Variants in ERGIC1 observed in about 807,000 individuals in gnomAD.
ERGIC1 encodes the protein endoplasmic reticulum-golgi intermediate compartment 1.
ERGIC1 carries 19 observed loss-of-function variants against 38.3 expected under a neutral mutation model. The observed-to-expected ratio is 0.50, with a 90% CI of 0.35 to 0.73. The LOEUF is 0.73. ERGIC1 is among the 30% of genes least tolerant of loss of function. The pLI is 0.01. For missense variants in ERGIC1, 294 were observed against 389.2 expected (o/e 0.76, Z 2.06); for synonymous variants, 124 against 157.6 (o/e 0.79, Z 1.60).
intron 1 of ERGIC1, among the ~76,000 whole-genome samples, chr5:172,856,250 G>A (rs1402265255): frequency 6.6e-6 from 1 of 152,288 alleles, no homozygotes; most frequent in South Asian, 2.1e-4. Context: ...AGCCTGGAAC[G>A]CCAGGCCCAG....
At chr5:172,850,187 C>T (rs1761368427) in intron 1 of ERGIC1, among the ~76,000 whole-genome samples, 1 of 152,202 alleles carries the variant, frequency 6.6e-6, no homozygotes, top group Non-Finnish European at 1.5e-5. Context: ...AATTTGGCTT[C>T]CGTTGGCCAA....
At chr5:172,894,593 C>T (rs1292506853) in intron 2 of ERGIC1, among the ~76,000 whole-genome samples, 3 of 152,118 alleles carry the variant, frequency 2.0e-5, no homozygotes, top group Non-Finnish European at 4.4e-5. Flanking sequence ...GACATCCTGC[C>T]CTTCACTCGG....
intron 9 of ERGIC1, among the ~76,000 whole-genome samples, chr5:172,947,681 T>C (rs1335135039): frequency 6.6e-6 from 1 of 152,202 alleles, no homozygotes; most frequent in African/African-American, 2.4e-5. Context: ...ACTGAGCCAG[T>C]TGCATAGCAG....
At chr5:172,890,728 C>T (rs1169754836) in intron 2 of ERGIC1, among the ~76,000 whole-genome samples, 1 of 152,212 alleles carries the variant, frequency 6.6e-6, no homozygotes, top group East Asian at 1.9e-4. Context: ...CCTCCTTGCA[C>T]CCCACAAGCC....
At chr5:172,918,564 T>TA (rs1581574361) in intron 5 of ERGIC1, among the ~76,000 whole-genome samples, 1 of 152,174 alleles carries the variant, frequency 6.6e-6, no homozygotes. Context: ...TATGTATAGA[T>TA]ATCAAAGAGC....
intron 1 of ERGIC1, among the ~76,000 whole-genome samples, chr5:172,849,466 A>C (rs901581591): frequency 6.6e-6 from 1 of 152,176 alleles, no homozygotes; most frequent in Non-Finnish European, 1.5e-5. Flanking sequence ...GGTACCACAA[A>C]TCTTTGTTAA....
intron 1 of ERGIC1, chr5:172,866,884 T>C: frequency 3.2e-6 from 1 of 309,504 alleles, no homozygotes; most frequent in South Asian, 2.4e-5. Context: ...AGACTGCCTT[T>C]GTTTGGCTCC....
At chr5:172,921,260 A>G (rs1264172113) in intron 5 of ERGIC1, among the ~76,000 whole-genome samples, 1 of 151,664 alleles carries the variant, frequency 6.6e-6, no homozygotes, top group Non-Finnish European at 1.5e-5. Context: ...TAGAACTCAG[A>G]GCAACCGCTC....
chr5:172,889,023 G>T (rs1581544062), intron 2 of ERGIC1, among the ~76,000 whole-genome samples: 1 of 152,180 alleles, frequency 6.6e-6, no homozygotes, highest in African/African-American at 2.4e-5. Flanking sequence ...GGTGGCTCAC[G>T]CCTGTAATCC....
At chr5:172,943,229 C>G (rs512952) in intron 9 of ERGIC1, among the ~76,000 whole-genome samples, 4 of 152,066 alleles carry the variant, frequency 2.6e-5, no homozygotes, top group East Asian at 3.9e-4. Flanking sequence ...GAGGTTCTTG[C>G]GAGGTGGGGT....
At chr5:172,898,779 T>C (rs1257356647) in intron 3 of ERGIC1, among the ~76,000 whole-genome samples, 1 of 152,134 alleles carries the variant, frequency 6.6e-6, no homozygotes, top group Non-Finnish European at 1.5e-5. Context: ...CATGACCCTG[T>C]GGCCATGCAG....
chr5:172,863,762 A>G (rs1761779289), intron 1 of ERGIC1, among the ~76,000 whole-genome samples: 1 of 152,168 alleles, frequency 6.6e-6, no homozygotes, highest in African/African-American at 2.4e-5. Context: ...TAATTCCGAG[A>G]GCAGGGCTTT....
chr5:172,867,797 C>T (rs1419849586), intron 1 of ERGIC1: 1 of 159,952 alleles, frequency 6.3e-6, no homozygotes, highest in African/African-American at 2.4e-5. Context: ...CACAGAGGAC[C>T]TCTCCTTCAC....
chr5:172,942,390 C>T (rs918572213), intron 9 of ERGIC1, among the ~76,000 whole-genome samples: 8 of 152,074 alleles, frequency 5.3e-5, no homozygotes, highest in African/African-American at 1.9e-4. Context: ...TCAGGGTTCC[C>T]TCGGTGTCTC....
At chr5:172,942,275 G>T (rs538104963) in intron 9 of ERGIC1, among the ~76,000 whole-genome samples, 140 of 152,304 alleles carry the variant, frequency 9.2e-4, no homozygotes, top group South Asian at 6.8e-3. Context: ...CCACTAAGAT[G>T]ATGTGAGTTG....
At chr5:172,918,301 C>T (rs1561735571) in intron 5 of ERGIC1, 1 of 152,354 alleles carries the variant, frequency 6.6e-6, no homozygotes, top group East Asian at 1.9e-4. Context: ...TAATCCTATG[C>T]ATTTTACGCA....
At chr5:172,912,672 C>T (rs1414760989) in intron 4 of ERGIC1, among the ~76,000 whole-genome samples, 4 of 152,258 alleles carry the variant, frequency 2.6e-5, no homozygotes, top group African/African-American at 7.2e-5. Flanking sequence ...CAGGCGTGAG[C>T]CACCGCGCCC....
intron 1 of ERGIC1, among the ~76,000 whole-genome samples, chr5:172,848,018 T>G (rs1761319849): frequency 6.6e-6 from 1 of 152,172 alleles, no homozygotes; most frequent in South Asian, 2.1e-4. Context: ...AAAAAAGAGA[T>G]ATTAGCAAGT....
intron 9 of ERGIC1, among the ~76,000 whole-genome samples, chr5:172,949,499 T>C (rs78824099): frequency 0.012 from 1,878 of 152,242 alleles, 31 homozygotes; most frequent in African/African-American, 0.043. Flanking sequence ...TATTTTGTTG[T>C]GGTTAGTATA....
Sources: allele counts gnomAD v4.1 joint callset (sites outside exome capture counted in the v4.1 genomes callset), GRCh38; gene constraint gnomAD v4.1.1; transcripts MANE v1.5; gene names NCBI Gene and HGNC (gene_info 2026-07-23, HGNC 2026-07-21).